The following PCDH12 variants were observed in gnomAD, a reference collection of about 807,000 sequenced individuals.
PCDH12 encodes the protein protocadherin-12.
In PCDH12, 45 loss-of-function variants were observed where a neutral mutation model predicts 70.9. That is an observed-to-expected ratio of 0.63 (90% CI 0.50 to 0.81). The LOEUF (loss-of-function observed/expected upper bound fraction) is 0.81. Among genes scored for constraint, PCDH12 ranks in the 40% least tolerant of loss-of-function variants. The probability of loss-of-function intolerance (pLI) is 0.00; values close to 1 mark genes in which losing one functional copy is unlikely to be tolerated. For missense variants in PCDH12, 1,370 were observed against 1,491.7 expected (o/e 0.92, Z 1.34); for synonymous variants, 567 against 626.0 (o/e 0.91, Z 1.41).
chr5:141,945,999 G>A (rs1376330221), intron 3 of PCDH12, among the ~76,000 whole-genome samples, 194 bp from the exon 4 acceptor site: 2 of 152,190 alleles, frequency 1.3e-5, no homozygotes, highest in Non-Finnish European at 1.5e-5. Flanking sequence ...GAAAGCAGTC[G>A]ACTGACACAC....
chr5:141,955,735 G>A lies in PCDH12; in HGVS notation c.2117C>T (p.Ala706Val), dbSNP rs1174558655. The A allele has an allele frequency of 6.2e-7, 1 of 1,614,116 alleles. No homozygotes were observed. Among genetic ancestry groups the A allele is most frequent in the Non-Finnish European group, 8.5e-7 (1 of 1,179,996 alleles). ...VTSVDHLRDS[A>V]RKPGALSMSM... ...CATGCTCAAGGCCCCAGGCTTGCGGGCTGAGTCCCTCAGGTGGTCCACACT... is the reference window on the plus strand; with the variant it reads ...CATGCTCAAGGCCCCAGGCTTGCGGACTGAGTCCCTCAGGTGGTCCACACT... The change falls in exon 1 of 4, where the codon GCC (alanine) becomes GTC (valine). Residue 706 changes from alanine (A) to valine (V), a missense_variant. By Grantham distance (64) the Ala-to-Val change is moderately conservative. Transcript: ENST00000231484. This position sits in a 1 kb window ranked among gnomAD's most constrained non-coding sequence, Gnocchi z 5.5.
rs754194789 is a variant in PCDH12, at chr5:141,945,414, G to C, written c.3522C>G (p.Ser1174Arg). 9 of 1,613,564 alleles carry C rather than the reference G, an allele frequency of 5.6e-6. No homozygotes were observed. The highest frequency in any genetic ancestry group is 1.1e-5 in the South Asian group (1 of 91,058). ...ACCTGCTGCTGCTGCTGCTGCCTCT[G>C]CTCTTGCCCTCAGTCCCCGTCTTTC... The part of the protein sequence containing the change: ...PGGKTGTEGK[S>R]RGSSSSSRCL The change falls in exon 4 of 4, where the codon AGC becomes AGG. Residue 1174 changes from serine to arginine, a missense_variant. By Grantham distance (110) the Ser-to-Arg change is moderately radical. Transcript: ENST00000231484.
Position 141,948,954 on chromosome 5 carries a change from C to T in PCDH12, c.3130+478G>A, listed in dbSNP as rs187556700. 1.1e-3 allele frequency among the ~76,000 whole-genome samples: 163 copies of T among 151,906 alleles called. 3 individuals carry two copies. The East Asian group carries it at 0.024, about 23-fold the overall frequency. On this transcript the variant is annotated intron_variant, in intron 3 of 3. Coordinates refer to ENST00000231484, the MANE Select transcript of PCDH12 (RefSeq NM_016580.4). ...GGCTTTGATTACAGGTGGCTCATGC[C>T]TCTAATGCCAGCACTTTGGGAGGCT...
rs369976753 is a variant in PCDH12, at chr5:141,955,028, C to T, written c.2824G>A (p.Ala942Thr). ...LRSLVRLSVA[A>T]FAERNPVEEL... ...TCCACGGGGTTCCGCTCGGCGAAGG[C>T]AGCCACAGACAGCCGGACCAGGCTC... is the stretch of plus-strand genomic sequence containing the variant. The change falls in exon 1 of 4, where the codon GCC (alanine) becomes ACC (threonine). Residue 942 changes from alanine (A) to threonine (T), a missense_variant. Ala to Thr is a moderately conservative substitution (Grantham distance 58, BLOSUM62 0). Transcript: ENST00000231484. The surrounding 1 kb of genome is among the most constrained non-coding windows in gnomAD (Gnocchi z 5.5). The T allele has an allele frequency of 1.2e-6, 2 of 1,614,108 alleles. No homozygotes were observed. Among genetic ancestry groups the T allele is most frequent in the African/African-American group, 2.7e-5 (2 of 74,938 alleles).
rs1245550892 is a variant in PCDH12, at chr5:141,956,851, G to A, written c.1001C>T (p.Ala334Val). The A allele has an allele frequency of 1.2e-6, 2 of 1,614,116 alleles. No homozygotes were observed. Among genetic ancestry groups the A allele is most frequent in the African/African-American group, 2.7e-5 (2 of 74,946 alleles). Residue 334 changes from alanine to valine, a missense_variant, in exon 1 of 4, where the codon GCC (alanine) becomes GTC (valine). Coordinates refer to ENST00000231484, the MANE Select transcript of PCDH12 (RefSeq NM_016580.4). ...ARDLGPNPIPAHCKVLIKVLD... is the reference protein window; with the variant it reads ...ARDLGPNPIPVHCKVLIKVLD... ...AACCTTGATGAGAACTTTGCAATGGGCTGGGATAGGATTGGGACCCAGGTC... is the reference window on the plus strand; with the variant it reads ...AACCTTGATGAGAACTTTGCAATGGACTGGGATAGGATTGGGACCCAGGTC...
In PCDH12 at chr5:141,955,287, C is replaced by T; in HGVS notation, c.2565G>A (p.Gln855=). ...TVNLLFNHPR[Q]RNASRENLNL... is the part of the protein sequence containing the mutation. ...TCAGGTTCTCCCGGGAGGCATTCCT[C>T]TGCCTGGGATGGTTGAAAAGGAGGT... The change falls in exon 1 of 4, where the codon CAG becomes CAA. Residue 855 remains glutamine, a synonymous_variant. Coordinates refer to ENST00000231484, the MANE Select transcript of PCDH12 (RefSeq NM_016580.4). This position sits in a 1 kb window ranked among gnomAD's most constrained non-coding sequence, Gnocchi z 5.5. 6.2e-7 allele frequency: 1 copy of T among 1,614,220 alleles called. No individual in the cohort carries two copies. Among genetic ancestry groups the T allele is most frequent in the Non-Finnish European group, 8.5e-7 (1 of 1,180,044 alleles).
rs1050285952 is a variant in PCDH12, at chr5:141,944,699, G to A, written c.*682C>T. 6.6e-6 allele frequency: 1 copy of A among 152,228 alleles called. No individual in the cohort carries two copies. Among genetic ancestry groups the A allele is most frequent in the Non-Finnish European group, 1.5e-5 (1 of 68,060 alleles). The allele number at this position is 152,228 out of a possible 1,614,324, so 9.4% of individuals were successfully genotyped here. A position where few individuals can be genotyped will look rare whatever the true frequency, so the allele number is the denominator to read the frequency against. On this transcript the variant is annotated 3_prime_UTR_variant, in exon 4 of 4. Coordinates refer to ENST00000231484, the MANE Select transcript of PCDH12 (RefSeq NM_016580.4). ...AAATTAAATCCTATTGTAAAGCCTGGTGCCTGGCTCATGTAAATGCTTTAT... is the reference window on the plus strand; with the variant it reads ...AAATTAAATCCTATTGTAAAGCCTGATGCCTGGCTCATGTAAATGCTTTAT...
rs1178291067 is a variant in PCDH12, at chr5:141,943,991, G to A, written c.*1390C>T. Reference sequence around the variant, plus strand: ...AGTGAACATGAGCACTGAGCTCCAAGAAAGGACAAAAAGAGGAGCAGATAG... The same window carrying A: ...AGTGAACATGAGCACTGAGCTCCAAAAAAGGACAAAAAGAGGAGCAGATAG... On this transcript the variant is annotated 3_prime_UTR_variant, in exon 4 of 4. Coordinates refer to ENST00000231484, the MANE Select transcript of PCDH12 (RefSeq NM_016580.4). 6.6e-6 allele frequency: 1 copy of A among 152,238 alleles called. No individual in the cohort carries two copies. The allele number at this position is 152,238 out of a possible 1,614,324, so 9.4% of individuals were successfully genotyped here.
In PCDH12 at chr5:141,944,927, T is replaced by G. The variant is rs757094562; in HGVS notation, c.*454A>C. The G allele has an allele frequency of 2.9e-5, 5 of 170,004 alleles. No homozygotes were observed. Among genetic ancestry groups the G allele is most frequent in the Admixed American group, 2.8e-4 (5 of 17,690 alleles). The allele number at this position is 170,004 out of a possible 1,614,324, so 10.5% of individuals were successfully genotyped here. ...TGACAAATAAACCCCACTCTATTACTCTTCCCTTCTCCCTCTTGACAGGTG... is the reference window on the plus strand; with the variant it reads ...TGACAAATAAACCCCACTCTATTACGCTTCCCTTCTCCCTCTTGACAGGTG... On this transcript the variant is annotated 3_prime_UTR_variant, in exon 4 of 4. Transcript: ENST00000231484.
At chr5:141,951,761 C>T (rs543785291) in intron 1 of PCDH12, among the ~76,000 whole-genome samples, 171 bp from the exon 2 acceptor site, 30 of 152,254 alleles carry the variant, frequency 2.0e-4, no homozygotes, top group South Asian at 2.1e-4. Context: ...GGGACCTGGG[C>T]GGGCAGGTCC....
rs1376047096 is a variant in PCDH12, at chr5:141,957,638, G to C, written c.214C>G (p.Pro72Ala). 1 of 1,614,184 alleles carries C rather than the reference G, an allele frequency of 6.2e-7. No individual in the cohort carries two copies. The highest frequency in any genetic ancestry group is 8.5e-7 in the Non-Finnish European group (1 of 1,180,032). The change falls in exon 1 of 4, where the codon CCT (proline) becomes GCT (alanine). Residue 72 changes from proline to alanine, a missense_variant. By Grantham distance (27) the Pro-to-Ala change is conservative. Transcript: ENST00000231484. This position sits in a 1 kb window ranked among gnomAD's most constrained non-coding sequence, Gnocchi z 4.3. ...AGAAFQVLQLPQALPIQVDSE... is the reference protein window; with the variant it reads ...AGAAFQVLQLAQALPIQVDSE... ...TCCACCTGAATGGGGAGCGCCTGAG[G>C]CAGCTGCAACACCTGGAAGGCAGCC...
chr5:141,951,097 C>T (rs1753071594), intron 2 of PCDH12, among the ~76,000 whole-genome samples: 2 of 152,192 alleles, frequency 1.3e-5, no homozygotes, highest in Non-Finnish European at 2.9e-5. Context: ...GACACGCCCA[C>T]ACAGCCATGT....
rs749283293 is a variant in PCDH12 at position 141,957,226 on chromosome 5, A to C, written c.626T>G (p.Phe209Cys). 2.5e-5 allele frequency: 41 copies of C among 1,614,206 alleles called. No individual in the cohort carries two copies. In the South Asian group the frequency reaches 4.4e-4, roughly 17 times the overall value. ...VKELDREIHS[F>C]FDLVLTAYDN... ...ATAGGCAGTTAACACCAGATCAAAA[A>C]ATGAATGGATTTCCCTGTCCAGCTC... The change falls in exon 1 of 4, where the codon TTT (phenylalanine) becomes TGT (cysteine). Residue 209 changes from phenylalanine (F) to cysteine (C), a missense_variant. Physicochemically the swap from Phe to Cys is radical, Grantham distance 205. Transcript: ENST00000231484. The surrounding 1 kb of genome is among the most constrained non-coding windows in gnomAD (Gnocchi z 4.3).
chr5:141,950,523 C>T (rs1414027241), intron 2 of PCDH12, among the ~76,000 whole-genome samples: 1 of 152,170 alleles, frequency 6.6e-6, no homozygotes, highest in Non-Finnish European at 1.5e-5. Context: ...TCTCTTTAAT[C>T]AACCCATTGT....
intron 3 of PCDH12, among the ~76,000 whole-genome samples, chr5:141,947,167 C>T (rs1337345567): frequency 6.6e-6 from 1 of 152,236 alleles, no homozygotes; most frequent in African/African-American, 2.4e-5. Context: ...TGAATCTCTG[C>T]CCTGCATTCT....
chr5:141,951,671 G>A (rs1753085735), intron 1 of PCDH12, 81 bp from the exon 2 acceptor site: 2 of 1,020,376 alleles, frequency 2.0e-6, no homozygotes, highest in Middle Eastern at 4.0e-4. Context: ...CTCAATGCCG[G>A]TGCTTTCTTT....
Position 141,957,086 on chromosome 5 carries a change from C to T in PCDH12, c.766G>A (p.Asp256Asn). The stretch of plus-strand genomic sequence containing the variant: ...ATGAGAAGCGTACCAGGTGCAGCAT[C>T]TTCTTGGATTTCCAGTGCCAGTGAA... ...ESSLALEIQE[D>N]AAPGTLLIKL... The change falls in exon 1 of 4, where the codon GAT becomes AAT. Residue 256 changes from aspartate to asparagine, a missense_variant. Transcript: ENST00000231484. The surrounding 1 kb of genome is among the most constrained non-coding windows in gnomAD (Gnocchi z 4.3). 2 of 1,614,174 alleles carry T rather than the reference C, an allele frequency of 1.2e-6. No individual in the cohort carries two copies. The highest frequency in any genetic ancestry group is 1.1e-5 in the South Asian group (1 of 91,070).
intron 1 of PCDH12, among the ~76,000 whole-genome samples, chr5:141,952,214 G>C (rs756785019): frequency 6.6e-6 from 1 of 152,204 alleles, no homozygotes; most frequent in Non-Finnish European, 1.5e-5. Flanking sequence ...AGGGAGGCTG[G>C]CTGGAGATCA....
At chr5:141,945,866 G>C in intron 3 of PCDH12, 61 bp from the exon 4 acceptor site, 1 of 1,516,692 alleles carries the variant, frequency 6.6e-7, no homozygotes, top group Non-Finnish European at 9.0e-7. Flanking sequence ...GGCGGGTGAG[G>C]GTGGGGCAAT....
Sources: allele counts gnomAD v4.1 joint callset (sites outside exome capture counted in the v4.1 genomes callset), GRCh38; gene constraint gnomAD v4.1.1; non-coding constraint Gnocchi (gnomAD v3.1); transcripts MANE v1.5; gene names NCBI Gene and HGNC (gene_info 2026-07-23, HGNC 2026-07-21).